The following LRIG2 variants were observed in gnomAD, a reference collection of about 807,000 sequenced individuals.
LRIG2 encodes the protein leucine-rich repeats and immunoglobulin-like domains protein 2.
Under a neutral mutation model 107.8 loss-of-function variants are expected in LRIG2, and 93 were observed. The ratio of observed to expected loss-of-function variants is 0.86; its 90% confidence interval spans 0.73 to 1.03. The LOEUF (loss-of-function observed/expected upper bound fraction) is 1.03, where lower values mean the gene tolerates loss of function less well. LRIG2 is among the 50% of genes least tolerant of loss of function. LRIG2 has a pLI of 0.00. For synonymous variants in LRIG2, 471 were observed against 470.6 expected (o/e 1.00, Z -0.01); for missense variants, 1,226 against 1,296.0 (o/e 0.95, Z 0.83).
chr1:113,113,783 G>A (rs955062485), intron 14 of LRIG2, among the ~76,000 whole-genome samples: 1 of 151,636 alleles, frequency 6.6e-6, no homozygotes, highest in African/African-American at 2.4e-5. Flanking sequence ...GGCTGGTCTC[G>A]AACTCCTGAC....
chr1:113,077,288 C>T (rs1262772828), intron 1 of LRIG2, among the ~76,000 whole-genome samples: 1 of 151,898 alleles, frequency 6.6e-6, no homozygotes, highest in Admixed American at 6.6e-5. Context: ...ATTATAGGTG[C>T]CCTCCACCAT....
Position 113,073,541 on chromosome 1 carries a change from G to T in LRIG2, c.135G>T (p.Ala45=). ...LPAAGAGLCP[A]PCSCRIPLLD... ...CCGCCGGAGCAGGTCTCTGCCCCGCGCCCTGCTCCTGCCGCATTCCTCTCC... is the reference window on the plus strand; with the variant it reads ...CCGCCGGAGCAGGTCTCTGCCCCGCTCCCTGCTCCTGCCGCATTCCTCTCC... Residue 45 remains alanine, a synonymous_variant, in exon 1 of 18, where the codon GCG becomes GCT. Coordinates refer to ENST00000361127, the MANE Select transcript of LRIG2 (RefSeq NM_014813.3). 6.2e-7 allele frequency: 1 copy of T among 1,614,108 alleles called. No homozygotes were observed. The highest frequency in any genetic ancestry group is 1.3e-5 in the African/African-American group (1 of 75,040).
chr1:113,110,167 T>C (rs1292899099), intron 12 of LRIG2, 75 bp from the exon 13 acceptor site: 12 of 1,023,012 alleles, frequency 1.2e-5, no homozygotes, highest in Non-Finnish European at 1.7e-5. Context: ...CACAATTTTA[T>C]AGTATTTTTT....
In LRIG2 at chr1:113,129,356, C is replaced by G. The variant is rs1219756121; in HGVS notation, c.*5255C>G. On this transcript the variant is annotated 3_prime_UTR_variant, in exon 18 of 18. Transcript: ENST00000361127. The stretch of plus-strand genomic sequence containing the variant: ...CGTGTAGGAGTACTGCCTCTCTGCT[C>G]TAGCAGTGGTCCTTCTACTGACAGT... The G allele has an allele frequency of 1.3e-5, 2 of 149,574 alleles. No homozygotes were observed. The highest frequency in any genetic ancestry group is 1.3e-4 in the Admixed American group (2 of 14,926). 9.3% of individuals were successfully genotyped at this position (149,574 alleles called of 1,614,324 possible).
rs1392511857 is a variant in LRIG2 at position 113,126,029 on chromosome 1, C to T, written c.*1928C>T. Reference sequence around the variant, plus strand: ...TATTCCCCATGATGAACTCTTCCTACTATCACAATCAGGACTATGACTGGA... The same window carrying T: ...TATTCCCCATGATGAACTCTTCCTATTATCACAATCAGGACTATGACTGGA... On this transcript the variant is annotated 3_prime_UTR_variant, in exon 18 of 18. Transcript: ENST00000361127. The T allele has an allele frequency of 6.6e-6, 1 of 152,152 alleles. No individual in the cohort carries two copies. Among genetic ancestry groups the T allele is most frequent in the African/African-American group, 2.4e-5 (1 of 41,444 alleles). The allele number at this position is 152,152 out of a possible 1,614,324, so 9.4% of individuals were successfully genotyped here.
Position 113,114,609 on chromosome 1 carries a change from G to C in LRIG2, c.2263G>C (p.Asp755His). Residue 755 changes from aspartate to histidine, a missense_variant, in exon 15 of 18, where the codon GAT (aspartate) becomes CAT (histidine). Asp to His is a moderately conservative substitution (Grantham distance 81, BLOSUM62 -1). Coordinates refer to ENST00000361127, the MANE Select transcript of LRIG2 (RefSeq NM_014813.3). ...AAANQLLIIVDAGLEDAGKYT... is the reference protein window; with the variant it reads ...AAANQLLIIVHAGLEDAGKYT... ...AGCCAATCAGCTTCTCATCATTGTA[G>C]ATGCCGGGCTAGAAGATGCTGGGAA... 6.2e-7 allele frequency: 1 copy of C among 1,614,106 alleles called. No homozygotes were observed. The highest frequency in any genetic ancestry group is 8.5e-7 in the Non-Finnish European group (1 of 1,180,020).
Position 113,080,145 on chromosome 1 carries a change from C to T in LRIG2, c.239+6500C>T, listed in dbSNP as rs141545388. ...AAGCGATTCTCCTGCCTCAGCCTCCCAAGTAGCTGGGACTACAGGCACGTA... is the reference window on the plus strand; with the variant it reads ...AAGCGATTCTCCTGCCTCAGCCTCCTAAGTAGCTGGGACTACAGGCACGTA... On this transcript the variant is annotated intron_variant, in intron 1 of 17. Coordinates refer to ENST00000361127, the MANE Select transcript of LRIG2 (RefSeq NM_014813.3). 1.0e-3 allele frequency among the ~76,000 whole-genome samples: 153 copies of T among 149,454 alleles called. 2 individuals are homozygous for T. The East Asian group carries it at 0.028, about 27-fold the overall frequency.
At chr1:113,098,577 A>C in intron 8 of LRIG2, 128 bp from the exon 9 acceptor site, 1 of 632,792 alleles carries the variant, frequency 1.6e-6, no homozygotes, top group East Asian at 2.5e-5. Flanking sequence ...AGCCTTCATC[A>C]TAAATAACTG....
intron 15 of LRIG2, 88 bp from the exon 16 acceptor site, chr1:113,116,199 T>C: frequency 8.9e-7 from 1 of 1,123,002 alleles, no homozygotes; most frequent in South Asian, 1.5e-5. Context: ...TTGCTAATAG[T>C]ATCAAAGTGG....
At position 113,112,523 on chromosome 1, in the gene LRIG2, A is replaced by G; in HGVS notation, c.1843A>G (p.Thr615Ala). 6.2e-7 allele frequency: 1 copy of G among 1,613,372 alleles called. No homozygotes were observed. The highest frequency in any genetic ancestry group is 8.5e-7 in the Non-Finnish European group (1 of 1,179,408). Residue 615 changes from threonine to alanine, a missense_variant, in exon 14 of 18, where the codon ACT (threonine) becomes GCT (alanine). By Grantham distance (58) the Thr-to-Ala change is moderately conservative (BLOSUM62 0). This residue lies in a region of LRIG2 where 642 missense variants were observed against 712.2 expected (regional missense o/e 0.90). Coordinates refer to ENST00000361127, the MANE Select transcript of LRIG2 (RefSeq NM_014813.3). ...LKTPMDLTIR[T>A]GAMARLECAA... ...AACGCCAATGGATCTGACTATTCGC[A>G]CTGGTGCCATGGCCAGATTAGAATG...
At chr1:113,115,316 G>A (rs565543907) in intron 15 of LRIG2, among the ~76,000 whole-genome samples, 11 of 152,210 alleles carry the variant, frequency 7.2e-5, no homozygotes, top group African/African-American at 2.6e-4. Context: ...CCAGGCTCAG[G>A]TGATTCTCCC....
Position 113,110,246 on chromosome 1 carries a change from T to G in LRIG2, c.1482T>G (p.Asp494Glu), listed in dbSNP as rs1224871828. The change falls in exon 13 of 18, where the codon GAT becomes GAG. Residue 494 changes from aspartate to glutamate, a missense_variant. Physicochemically the swap from Asp to Glu is conservative, Grantham distance 45 (BLOSUM62 2). This residue lies in a region of LRIG2 where 14 missense variants were observed against 33.6 expected (regional missense o/e 0.42). Transcript: ENST00000361127. ...GATGCATTTTTTTCCCCTTAGATGA[T>G]TTTCTCAAGCCACAGATAAGGACAC... is the stretch of plus-strand genomic sequence containing the variant. ...NVDLKDFVCD[D>E]FLKPQIRTHP... is the part of the protein sequence containing the mutation. The G allele has an allele frequency of 6.3e-7, 1 of 1,576,272 alleles. No homozygotes were observed. Among genetic ancestry groups the G allele is most frequent in the Non-Finnish European group, 8.6e-7 (1 of 1,158,992 alleles).
chr1:113,110,573 A>T lies in LRIG2; in HGVS notation c.1798+11A>T. The T allele has an allele frequency of 6.4e-7, 1 of 1,558,674 alleles. No individual in the cohort carries two copies. Among genetic ancestry groups the T allele is most frequent in the East Asian group, 2.3e-5 (1 of 44,390 alleles). Reference sequence around the variant, plus strand: ...AACTGACTGTAAATGGTAAGGAATTATGCTCCTTGATTTTTTTTAGTTTAG... The same window carrying T: ...AACTGACTGTAAATGGTAAGGAATTTTGCTCCTTGATTTTTTTTAGTTTAG... On this transcript the variant is annotated intron_variant, in intron 13 of 17. Transcript: ENST00000361127.
In LRIG2 at chr1:113,116,351, A is replaced by G. The variant is rs138725118; in HGVS notation, c.2595A>G (p.Pro865=). The change falls in exon 16 of 18, where the codon CCA becomes CCG. Residue 865 remains proline, a synonymous_variant. Coordinates refer to ENST00000361127, the MANE Select transcript of LRIG2 (RefSeq NM_014813.3). ...YLSSQGTLSE[P]QEGYSNSEAG... is the part of the protein sequence containing the mutation. The stretch of plus-strand genomic sequence containing the variant: ...CTTCCCAAGGAACGCTGTCTGAGCC[A>G]CAGGAAGGCTACAGCAACTCTGAGG... 84 of 1,613,954 alleles carry G rather than the reference A, an allele frequency of 5.2e-5. No individual in the cohort carries two copies. Among genetic ancestry groups the G allele is most frequent in the Non-Finnish European group, 6.4e-5 (75 of 1,179,962 alleles).
intron 1 of LRIG2, among the ~76,000 whole-genome samples, chr1:113,088,980 C>G (rs1324468258): frequency 1.3e-5 from 2 of 152,146 alleles, no homozygotes; most frequent in South Asian, 2.1e-4. Flanking sequence ...TGCCAGACAT[C>G]TTGGAATATT....
intron 6 of LRIG2, among the ~76,000 whole-genome samples, chr1:113,095,581 G>A (rs1364091731): frequency 2.0e-5 from 3 of 151,890 alleles, no homozygotes; most frequent in African/African-American, 7.3e-5. Flanking sequence ...GTTAATTTTT[G>A]TATTTTTAGT....
chr1:113,100,350 C>A, intron 10 of LRIG2, 68 bp downstream of exon 10: 1 of 1,439,036 alleles, frequency 6.9e-7, no homozygotes, highest in Non-Finnish European at 9.7e-7. Flanking sequence ...GTTTTCATGA[C>A]CATGTAAAGT....
intron 1 of LRIG2, among the ~76,000 whole-genome samples, chr1:113,087,972 A>G (rs1242399834): frequency 1.3e-5 from 2 of 152,218 alleles, no homozygotes; most frequent in African/African-American, 4.8e-5. Context: ...ACTGCCTGGC[A>G]CATGGTCCAA....
chr1:113,090,330 C>G (rs889351394), intron 1 of LRIG2, among the ~76,000 whole-genome samples: 1 of 152,000 alleles, frequency 6.6e-6, no homozygotes, highest in African/African-American at 2.4e-5. Flanking sequence ...AATTGGGTGG[C>G]TGGAAACAAA....
Sources: allele counts gnomAD v4.1 joint callset (sites outside exome capture counted in the v4.1 genomes callset), GRCh38; gene constraint gnomAD v4.1.1; regional missense constraint gnomAD v4.1.1; transcripts MANE v1.5; gene names NCBI Gene and HGNC (gene_info 2026-07-23, HGNC 2026-07-21).